GALNT1: variants seen among roughly 807,000 people sequenced by gnomAD.
The protein encoded by GALNT1 is GalNAc transferase 1.
In GALNT1, 17 loss-of-function variants were observed where a neutral mutation model predicts 65.7. The ratio of observed to expected loss-of-function variants is 0.26; its 90% CI spans 0.18 to 0.39. The LOEUF (loss-of-function observed/expected upper bound fraction) is 0.39. Among genes scored for constraint, GALNT1 ranks in the 10% least tolerant of loss-of-function variants. The pLI, the probability that GALNT1 is intolerant of heterozygous loss-of-function variation, is 1.00. For missense variants in GALNT1, 460 were observed against 672.8 expected, an observed-to-expected ratio of 0.68 and a Z score of 3.50; for synonymous variants, 210 against 219.7, an observed-to-expected ratio of 0.96 and a Z score of 0.39.
At chr18:35,624,160 A>G (rs2046888819) in intron 1 of GALNT1, among the ~76,000 whole-genome samples, 1 of 152,176 alleles carries the variant, frequency 6.6e-6, no homozygotes. Flanking sequence ...GTCCTGTGTT[A>G]TATGATTCAA....
chr18:35,702,461 G>C (rs530559575), intron 9 of GALNT1, among the ~76,000 whole-genome samples: 1 of 152,262 alleles, frequency 6.6e-6, no homozygotes, highest in East Asian at 1.9e-4. Flanking sequence ...ACCACACTAT[G>C]CTTAAGCTTC....
chr18:35,586,925 C>T (rs1302033456), intron 1 of GALNT1, among the ~76,000 whole-genome samples: 5 of 152,060 alleles, frequency 3.3e-5, no homozygotes, highest in Admixed American at 2.0e-4. Context: ...TGGAGAAGAT[C>T]GACGTCTTTA....
At chr18:35,699,920 A>G (rs1424545957) in intron 9 of GALNT1, among the ~76,000 whole-genome samples, 1 of 152,178 alleles carries the variant, frequency 6.6e-6, no homozygotes, top group Non-Finnish European at 1.5e-5. Flanking sequence ...TCTTAAAGCT[A>G]TATGGAATTA....
Position 35,677,749 on chromosome 18 carries a change from G to A in GALNT1, c.473G>A (p.Ser158Asn). The A allele has an allele frequency of 6.3e-7, 1 of 1,595,074 alleles. No homozygotes were observed. The change falls in exon 4 of 12, where the codon AGT (serine) becomes AAT (asparagine). Residue 158 changes from serine (S) to asparagine (N), a missense_variant. Transcript: ENST00000269195. The part of the protein sequence containing the change: ...IEEIVLVDDA[S>N]ERDFLKRPLE... ...GAAATTGTTCTAGTAGATGATGCCA[G>A]TGAAAGAGGTAAATTTTAAATTTTA...
Position 35,709,757 on chromosome 18 carries a change from C to T in GALNT1, c.1667C>T (p.Pro556Leu). 1 of 1,613,888 alleles carries T rather than the reference C, an allele frequency of 6.2e-7. No individual in the cohort carries two copies. Among genetic ancestry groups the T allele is most frequent in the Non-Finnish European group, 8.5e-7 (1 of 1,179,936 alleles). The change falls in exon 12 of 12, where the codon CCA (proline) becomes CTA (leucine). Residue 556 changes from proline to leucine, a missense_variant. Pro to Leu is a moderately conservative substitution (Grantham distance 98). Transcript: ENST00000269195. ...TGGCTTCTTCGAAACGTCACCCTGC[C>T]AGAAATATTCTGAGACCAAATTTAC... is the stretch of plus-strand genomic sequence containing the variant. ...QQWLLRNVTL[P>L]EIF
chr18:35,673,727 G>A (rs181508513), intron 3 of GALNT1, among the ~76,000 whole-genome samples: 188 of 152,248 alleles, frequency 1.2e-3, no homozygotes, highest in Non-Finnish European at 2.3e-3. Context: ...ATGAGCCCCT[G>A]CATCCAGCCA....
At chr18:35,618,256 T>A (rs937333642) in intron 1 of GALNT1, among the ~76,000 whole-genome samples, 1 of 152,202 alleles carries the variant, frequency 6.6e-6, no homozygotes, top group Non-Finnish European at 1.5e-5. Context: ...TAATCTTGTA[T>A]TCATTAAAAA....
Position 35,644,292 on chromosome 18 carries a change from A to G in GALNT1, c.-103-10268A>G, listed in dbSNP as rs561358521. 8.6e-4 allele frequency among the ~76,000 whole-genome samples: 131 copies of G among 152,340 alleles called. 1 individual carries two copies. The highest frequency in any genetic ancestry group is 3.0e-3 in the African/African-American group (124 of 41,574). Reference sequence around the variant, plus strand: ...TGAATAAGAAGATTCCAAGACCTGAAAATTGGTTCTCCTTTTTCTTTGGCT... The same window carrying G: ...TGAATAAGAAGATTCCAAGACCTGAGAATTGGTTCTCCTTTTTCTTTGGCT... On this transcript the variant is annotated intron_variant, in intron 1 of 11. Transcript: ENST00000269195.
rs573605225 is a variant in GALNT1 at position 35,588,747 on chromosome 18, T to C, written c.-104+6885T>C. Reference sequence around the variant, plus strand: ...TATTTTTCAGCTCTAAAATTTGCTTTAGGTTTTTCTTCATATCTTGTATTT... The same window carrying C: ...TATTTTTCAGCTCTAAAATTTGCTTCAGGTTTTTCTTCATATCTTGTATTT... On this transcript the variant is annotated intron_variant, in intron 1 of 11. Coordinates refer to ENST00000269195, the MANE Select transcript of GALNT1 (RefSeq NM_020474.4). 5.3e-5 allele frequency among the ~76,000 whole-genome samples: 8 copies of C among 152,324 alleles called. No homozygotes were observed. In the East Asian group the frequency reaches 1.5e-3, roughly 29 times the overall value.
chr18:35,635,591 T>A (rs1224044645), intron 1 of GALNT1, among the ~76,000 whole-genome samples: 1 of 152,226 alleles, frequency 6.6e-6, no homozygotes, highest in Non-Finnish European at 1.5e-5. Flanking sequence ...GTTAACTCGA[T>A]TCATACAGTT....
chr18:35,632,610 A>T (rs80012785), intron 1 of GALNT1, among the ~76,000 whole-genome samples: 15,573 of 152,018 alleles, frequency 0.1, 880 homozygotes, highest in Admixed American at 0.18. Flanking sequence ...GAAGAAAACC[A>T]AGGCAATACC....
intron 4 of GALNT1, among the ~76,000 whole-genome samples, chr18:35,681,052 A>G (rs1183744995): frequency 1.3e-5 from 2 of 152,136 alleles, no homozygotes; most frequent in African/African-American, 2.4e-5. Context: ...TAGATTCTGA[A>G]TTCTTTATTC....
intron 7 of GALNT1, 50 bp downstream of exon 7, chr18:35,689,340 T>C (rs2047919296): frequency 3.0e-6 from 3 of 1,007,400 alleles, no homozygotes; most frequent in Middle Eastern, 4.2e-4. Context: ...CAAGTATAGA[T>C]GTGCATTGAT....
intron 1 of GALNT1, among the ~76,000 whole-genome samples, chr18:35,619,963 T>C (rs1227780507): frequency 6.6e-6 from 1 of 152,150 alleles, no homozygotes; most frequent in Non-Finnish European, 1.5e-5. Context: ...CTGAGTCTTG[T>C]CTTATTTTTC....
At chr18:35,687,217 G>A (rs1459976640) in intron 6 of GALNT1, 31 bp downstream of exon 6, 2 of 1,600,678 alleles carry the variant, frequency 1.2e-6, no homozygotes, top group African/African-American at 2.7e-5. Context: ...TTTGCCTAAA[G>A]TGTTATTGGC....
intron 1 of GALNT1, among the ~76,000 whole-genome samples, chr18:35,628,995 A>G (rs561697553): frequency 2.0e-4 from 30 of 152,364 alleles, no homozygotes; most frequent in African/African-American, 6.5e-4. Flanking sequence ...AATGAAATGA[A>G]GTGAGAAGAG....
chr18:35,685,985 T>C (rs1455926385), intron 5 of GALNT1, among the ~76,000 whole-genome samples: 1 of 152,136 alleles, frequency 6.6e-6, no homozygotes, highest in Admixed American at 6.5e-5. Flanking sequence ...GGAGGATCGC[T>C]TGAACTCAGG....
At chr18:35,600,607 G>C (rs2046569706) in intron 1 of GALNT1, among the ~76,000 whole-genome samples, 1 of 152,114 alleles carries the variant, frequency 6.6e-6, no homozygotes, top group Non-Finnish European at 1.5e-5. Flanking sequence ...CCAGATCTTA[G>C]AGGAAAGGCT....
In GALNT1 at chr18:35,624,365, G is replaced by T. The variant is rs192413948; in HGVS notation, c.-103-30195G>T. Among the ~76,000 whole-genome samples the T allele has an allele frequency of 1.1e-4, 16 of 152,208 alleles. 1 individual carries two copies. Among genetic ancestry groups the T allele is most frequent in the Non-Finnish European group, 1.5e-5 (1 of 68,010 alleles). On this transcript the variant is annotated intron_variant, in intron 1 of 11. Transcript: ENST00000269195. Reference sequence around the variant, plus strand: ...TGTAGGCTGGTAACTGCTGTTATTTGTGAGTAGATTAGTCTAGAATAAGCT... The same window carrying T: ...TGTAGGCTGGTAACTGCTGTTATTTTTGAGTAGATTAGTCTAGAATAAGCT...
Sources: gnomAD v4.1 joint callset for allele counts (sites outside exome capture counted in the v4.1 genomes callset) on GRCh38, gnomAD v4.1.1 for gene constraint, MANE v1.5 for transcripts, NCBI Gene and HGNC (gene_info 2026-07-23, HGNC 2026-07-21) for gene names.